TMCO6: variants seen among roughly 807,000 people sequenced by gnomAD.
The protein encoded by TMCO6 is transmembrane and coiled-coil domain-containing protein 6.
Under a neutral mutation model 61.8 loss-of-function variants are expected in TMCO6, and 47 were observed. The observed-to-expected ratio is 0.76, with a 90% CI of 0.60 to 0.97. The LOEUF (loss-of-function observed/expected upper bound fraction) is 0.97, where lower values mean the gene tolerates loss of function less well. Among genes scored for constraint, TMCO6 ranks in the 50% least tolerant of loss-of-function variants. TMCO6 has a pLI of 0.00. For missense variants in TMCO6, 557 were observed against 601.6 expected (o/e 0.93, Z 0.78); for synonymous variants, 261 against 254.2 (o/e 1.03, Z -0.25).
upstream of TMCO6, among the ~76,000 whole-genome samples, chr5:140,634,481 T>A (rs181952138): frequency 1.8e-3 from 237 of 130,636 alleles, 1 homozygote; most frequent in African/African-American, 6.7e-3. Flanking sequence ...TATATGAAAG[T>A]CTTTTTTTTT....
intron 2 of TMCO6, chr5:140,641,000 A>G (rs1756993489): frequency 1.3e-5 from 2 of 154,412 alleles, no homozygotes; most frequent in South Asian, 2.0e-4. Flanking sequence ...ATTCCATTGT[A>G]TGCTTACTTT....
At chr5:140,622,439 G>C in the TMCO6 span, among the ~76,000 whole-genome samples, 5 of 152,142 alleles carry the variant, frequency 3.3e-5, no homozygotes, top group Non-Finnish European at 5.9e-5. Flanking sequence ...CTGCTTTCCA[G>C]GGTCAGGATA....
upstream of TMCO6, chr5:140,639,400 A>T (rs1025843893): frequency 1.6e-4 from 155 of 943,326 alleles, no homozygotes; most frequent in Non-Finnish European, 2.4e-4. Context: ...CCCAGCACCC[A>T]CCCCGCTCCT....
chr5:140,647,133 A>G (rs1015286668), downstream of TMCO6: 1 of 1,066,474 alleles, frequency 9.4e-7, no homozygotes. Context: ...CAAGATCAAC[A>G]GCAAGGCTAA....
At chr5:140,625,147 C>T in the TMCO6 span, among the ~76,000 whole-genome samples, 9 of 152,156 alleles carry the variant, frequency 5.9e-5, no homozygotes, top group East Asian at 3.8e-4. Context: ...TCACTGCACC[C>T]GGCCTCCATC....
chr5:140,616,901 G>A, the TMCO6 span, among the ~76,000 whole-genome samples: 1 of 151,756 alleles, frequency 6.6e-6, no homozygotes, highest in African/African-American at 2.4e-5. Flanking sequence ...ATGTTAGGCA[G>A]GTGTGGTGAC....
chr5:140,621,663 C>T, the TMCO6 span, among the ~76,000 whole-genome samples: 3 of 152,184 alleles, frequency 2.0e-5, no homozygotes, highest in South Asian at 2.1e-4. Flanking sequence ...GCCGGTGAGC[C>T]GGGTGGAACA....
chr5:140,640,945 T>A (rs764553090), intron 2 of TMCO6: 6 of 153,288 alleles, frequency 3.9e-5, no homozygotes, highest in Non-Finnish European at 8.8e-5. Context: ...TTACCGTACA[T>A]ACCATGTTGA....
chr5:140,632,591 G>A, the TMCO6 span: 73 of 1,613,900 alleles, frequency 4.5e-5, no homozygotes, highest in Middle Eastern at 1.6e-4. This position sits in a 1 kb window ranked among gnomAD's most constrained non-coding sequence, Gnocchi z 6.2. Flanking sequence ...GCGGAGGCAT[G>A]GTGCCGGTTA....
chr5:140,630,783 T>C, the TMCO6 span, among the ~76,000 whole-genome samples: 1 of 152,216 alleles, frequency 6.6e-6, no homozygotes, highest in Non-Finnish European at 1.5e-5. Context: ...CTTATCAATG[T>C]TAATTTCCAT....
At chr5:140,606,269 C>T in the TMCO6 span, among the ~76,000 whole-genome samples, 14 of 151,698 alleles carry the variant, frequency 9.2e-5, no homozygotes, top group East Asian at 1.5e-3. Flanking sequence ...CTGCCTTAGC[C>T]TCCCAAGTAG....
chr5:140,619,771 C>T, the TMCO6 span, among the ~76,000 whole-genome samples: 8 of 152,230 alleles, frequency 5.3e-5, no homozygotes, highest in Admixed American at 5.2e-4. Flanking sequence ...GTCAAGCTGT[C>T]TTTCATGTTT....
intron 5 of TMCO6, 59 bp from the exon 6 acceptor site, chr5:140,642,527 A>G: frequency 1.9e-6 from 3 of 1,607,250 alleles, no homozygotes; most frequent in Non-Finnish European, 2.6e-6. Context: ...AGGGGCTGAA[A>G]GTCTCTGAAG....
chr5:140,597,985 G>A, the TMCO6 span, among the ~76,000 whole-genome samples: 1 of 152,126 alleles, frequency 6.6e-6, no homozygotes, highest in South Asian at 2.1e-4. Context: ...AGAAAGTTGA[G>A]GTGATGTGGG....
downstream of TMCO6, chr5:140,645,696 G>A: frequency 6.2e-7 from 1 of 1,614,092 alleles, no homozygotes; most frequent in Non-Finnish European, 8.5e-7. Context: ...GAGAGAGGGA[G>A]GTGTCTTTAA....
chr5:140,645,448 A>G, downstream of TMCO6: 2 of 1,121,192 alleles, frequency 1.8e-6, no homozygotes, highest in Non-Finnish European at 2.6e-6. Flanking sequence ...TAGAGGGTAG[A>G]TGAGGACAAG....
the TMCO6 span, chr5:140,632,977 G>A: frequency 2.5e-6 from 4 of 1,614,114 alleles, no homozygotes; most frequent in Middle Eastern, 1.6e-4. The surrounding 1 kb of genome is among the most constrained non-coding windows in gnomAD (Gnocchi z 6.2). Context: ...CAGGACGCGC[G>A]CTCCTGGGGA....
At chr5:140,616,920 G>A in the TMCO6 span, among the ~76,000 whole-genome samples, 2 of 151,738 alleles carry the variant, frequency 1.3e-5, no homozygotes, top group Non-Finnish European at 2.9e-5. Context: ...ACACGTACCT[G>A]TAGTCCCAAC....
the TMCO6 span, among the ~76,000 whole-genome samples, chr5:140,621,039 A>C: frequency 6.6e-6 from 1 of 152,166 alleles, no homozygotes; most frequent in Non-Finnish European, 1.5e-5. Context: ...TAATGAAAAG[A>C]AACCTAAAAA....
Sources: gnomAD v4.1 joint callset for allele counts (sites outside exome capture counted in the v4.1 genomes callset) on GRCh38, gnomAD v4.1.1 for gene constraint, Gnocchi (gnomAD v3.1) non-coding constraint, MANE v1.5 for transcripts, NCBI Gene and HGNC (gene_info 2026-07-23, HGNC 2026-07-21) for gene names.